Variants in CSMD3 observed in about 807,000 individuals in gnomAD.
CSMD3 encodes CUB and Sushi multiple domains 3.
A neutral mutation model predicts 435.2 loss-of-function variants in CSMD3; 177 were observed. The ratio of observed to expected loss-of-function variants is 0.41; its 90% CI spans 0.36 to 0.46. CSMD3 has a LOEUF of 0.46. Among genes scored for constraint, CSMD3 ranks in the 20% least tolerant of loss-of-function variants. The probability of loss-of-function intolerance (pLI) is 0.34; values close to 1 mark genes in which losing one functional copy is unlikely to be tolerated. For missense variants in CSMD3, 4,265 were observed against 4,504.6 expected (o/e 0.95, Z 1.52); for synonymous variants, 1,656 against 1,520.5 (o/e 1.09, Z -2.07).
In CSMD3 at chr8:112,343,005, A is replaced by T. The variant is rs1329992851; in HGVS notation, c.6443-1319T>A. Among the ~76,000 whole-genome samples the T allele has an allele frequency of 1.0e-4, 10 of 96,026 alleles. 1 individual carries two copies. Among genetic ancestry groups the T allele is most frequent in the African/African-American group, 2.7e-4 (9 of 33,292 alleles). The allele number at this position is 96,026 out of a possible 152,430, so 63.0% of individuals were successfully genotyped here. On this transcript the variant is annotated intron_variant, in intron 41 of 70. Transcript: ENST00000297405. ...TATATATTTATATATATATATTTATATATATATATATTTATATATATATAT... is the reference window on the plus strand; with the variant it reads ...TATATATTTATATATATATATTTATTTATATATATATTTATATATATATAT...
chr8:112,844,487 G>T (rs1386374106), intron 11 of CSMD3, among the ~76,000 whole-genome samples: 1 of 151,924 alleles, frequency 6.6e-6, no homozygotes, highest in Non-Finnish European at 1.5e-5. Context: ...GATATAAATA[G>T]AAATGTTTTG....
At chr8:112,406,971 C>T (rs1021760336) in intron 34 of CSMD3, among the ~76,000 whole-genome samples, 13 of 151,736 alleles carry the variant, frequency 8.6e-5, no homozygotes, top group South Asian at 2.1e-4. Flanking sequence ...TAAACATCAA[C>T]GATTTTTGTT....
chr8:113,182,545 C>CA (rs1212898455), intron 3 of CSMD3, among the ~76,000 whole-genome samples: 2 of 150,704 alleles, frequency 1.3e-5, no homozygotes, highest in East Asian at 2.0e-4. Flanking sequence ...ACAACAAAAA[C>CA]AAAAAAACAA....
At chr8:112,976,535 A>G (rs1341852742) in intron 6 of CSMD3, among the ~76,000 whole-genome samples, 1 of 152,144 alleles carries the variant, frequency 6.6e-6, no homozygotes, top group African/African-American at 2.4e-5. Context: ...TCTCAAAAGT[A>G]TGCTTTGAAT....
At chr8:113,171,356 T>C (rs1381067786) in intron 4 of CSMD3, among the ~76,000 whole-genome samples, 2 of 152,092 alleles carry the variant, frequency 1.3e-5, no homozygotes, top group East Asian at 1.9e-4. Flanking sequence ...GTATTCAGAA[T>C]AAGGCCTTTC....
At chr8:113,335,285 A>G (rs909863941) in intron 1 of CSMD3, among the ~76,000 whole-genome samples, 1 of 152,024 alleles carries the variant, frequency 6.6e-6, no homozygotes, top group Non-Finnish European at 1.5e-5. Flanking sequence ...TTTTTTCTTT[A>G]TAATTACCCA....
intron 22 of CSMD3, among the ~76,000 whole-genome samples, chr8:112,600,679 T>C (rs562008543): frequency 2.6e-5 from 4 of 152,144 alleles, no homozygotes; most frequent in South Asian, 2.1e-4. Flanking sequence ...TCATGATTTT[T>C]TTTTCTTTTC....
At chr8:112,643,420 C>T (rs2074891219) in intron 20 of CSMD3, 5 of 165,518 alleles carry the variant, frequency 3.0e-5, no homozygotes. Context: ...TGTAAATTTG[C>T]TACACTTTGG....
chr8:112,835,201 G>T (rs2079987027), intron 11 of CSMD3, among the ~76,000 whole-genome samples: 1 of 151,660 alleles, frequency 6.6e-6, no homozygotes, highest in Non-Finnish European at 1.5e-5. Flanking sequence ...TTCTCATAAG[G>T]CTCAATACAT....
At chr8:112,638,020 A>G (rs2074709460) in intron 21 of CSMD3, among the ~76,000 whole-genome samples, 1 of 151,760 alleles carries the variant, frequency 6.6e-6, no homozygotes, top group Admixed American at 6.6e-5. Context: ...TACAACTCTA[A>G]GTGGTGGGAA....
In CSMD3 at chr8:112,346,078, G is replaced by T; in HGVS notation, c.6442+19C>A. ...TAATAAATATTGAAAGCTCTTTCAC[G>T]TGTTTTTAATACACATACCAAAACC... On this transcript the variant is annotated intron_variant, in intron 41 of 70. Transcript: ENST00000297405. The T allele has an allele frequency of 8.3e-7, 1 of 1,200,164 alleles. No homozygotes were observed. The highest frequency in any genetic ancestry group is 1.5e-5 in the African/African-American group (1 of 66,902). The allele number at this position is 1,200,164 out of a possible 1,614,324, so 74.3% of individuals were successfully genotyped here. A position where few individuals can be genotyped will look rare whatever the true frequency, so the allele number is the denominator to read the frequency against.
intron 3 of CSMD3, among the ~76,000 whole-genome samples, chr8:113,237,937 T>C (rs1055111937): frequency 6.6e-5 from 10 of 151,842 alleles, no homozygotes; most frequent in East Asian, 1.9e-4. Flanking sequence ...TAGCCAGGTG[T>C]GATGGTGGGC....
chr8:113,258,908 T>C (rs528366278), intron 3 of CSMD3, among the ~76,000 whole-genome samples: 32 of 152,224 alleles, frequency 2.1e-4, no homozygotes, highest in African/African-American at 6.0e-4. Flanking sequence ...ATTACAAATA[T>C]ATGTTGATTT....
intron 13 of CSMD3, 152 bp downstream of exon 13, chr8:112,800,010 T>G: frequency 1.5e-6 from 1 of 653,216 alleles, no homozygotes; most frequent in Non-Finnish European, 2.7e-6. Flanking sequence ...GTAATTAACA[T>G]TTGTAGTTAA....
intron 13 of CSMD3, among the ~76,000 whole-genome samples, chr8:112,773,400 C>G (rs780413616): frequency 6.6e-6 from 1 of 151,970 alleles, no homozygotes; most frequent in Non-Finnish European, 1.5e-5. Context: ...TACAATCACT[C>G]TGAGACAAAT....
At chr8:112,256,959 G>T (rs903807627) in intron 61 of CSMD3, among the ~76,000 whole-genome samples, 10 of 152,118 alleles carry the variant, frequency 6.6e-5, no homozygotes, top group Non-Finnish European at 1.5e-4. Flanking sequence ...CATCTGGAAC[G>T]CATGTATACC....
intron 5 of CSMD3, among the ~76,000 whole-genome samples, chr8:113,023,709 G>C (rs1166671732): frequency 6.6e-6 from 1 of 151,974 alleles, no homozygotes; most frequent in Non-Finnish European, 1.5e-5. Flanking sequence ...AAGTTCCATG[G>C]TTAAGAGAGG....
chr8:112,847,347 T>C (rs1381533081), intron 11 of CSMD3, among the ~76,000 whole-genome samples: 1 of 152,120 alleles, frequency 6.6e-6, no homozygotes, highest in Non-Finnish European at 1.5e-5. Context: ...CCCTGAAAGA[T>C]CTGGGTATCA....
At chr8:112,486,833 T>C (rs751620073) in intron 31 of CSMD3, among the ~76,000 whole-genome samples, 21 of 152,124 alleles carry the variant, frequency 1.4e-4, no homozygotes, top group Admixed American at 3.9e-4. Context: ...CTCATCAGAT[T>C]ATAAACTCTC....
Sources: allele counts gnomAD v4.1 joint callset (sites outside exome capture counted in the v4.1 genomes callset), GRCh38; gene constraint gnomAD v4.1.1; transcripts MANE v1.5; gene names NCBI Gene and HGNC (gene_info 2026-07-23, HGNC 2026-07-21).